CTNNA2: variants seen among roughly 807,000 people sequenced by gnomAD.
CTNNA2 encodes the protein catenin alpha 2.
CTNNA2 carries 42 observed loss-of-function variants against 101.0 expected under a neutral mutation model. The ratio of observed to expected loss-of-function variants is 0.42; its 90% CI spans 0.32 to 0.54. The LOEUF (loss-of-function observed/expected upper bound fraction) is 0.54, where lower values mean the gene tolerates loss of function less well. CTNNA2 is among the 20% of genes least tolerant of loss of function. The probability of loss-of-function intolerance (pLI) is 0.14; values close to 1 mark genes in which losing one functional copy is unlikely to be tolerated. For missense variants in CTNNA2, 871 were observed against 1,223.1 expected, an observed-to-expected ratio of 0.71 and a Z score of 4.29; for synonymous variants, 450 against 456.4, an observed-to-expected ratio of 0.99 and a Z score of 0.18.
chr2:79,946,222 A>G (rs1043488692), intron 7 of CTNNA2, among the ~76,000 whole-genome samples: 2 of 152,098 alleles, frequency 1.3e-5, no homozygotes, highest in African/African-American at 4.8e-5. Context: ...CAAAATGGGA[A>G]CTAGAGCCAT....
At chr2:80,486,566 C>T (rs963527270) in intron 9 of CTNNA2, among the ~76,000 whole-genome samples, 2 of 152,030 alleles carry the variant, frequency 1.3e-5, no homozygotes, top group African/African-American at 4.8e-5. Flanking sequence ...ATGTAACCAC[C>T]CTGAAGAATT....
intron 7 of CTNNA2, among the ~76,000 whole-genome samples, chr2:80,167,965 T>G (rs1704806984): frequency 6.6e-6 from 1 of 152,198 alleles, no homozygotes; most frequent in African/African-American, 2.4e-5. Context: ...AATCAGCGTG[T>G]ATTTGTGTGC....
intron 7 of CTNNA2, among the ~76,000 whole-genome samples, chr2:80,191,233 A>G (rs1706480693): frequency 6.6e-6 from 1 of 152,202 alleles, no homozygotes; most frequent in South Asian, 2.1e-4. Context: ...GAATAGTAGG[A>G]GATATGAAAC....
At chr2:79,328,305 T>C (rs1046857386) in intron 3 of CTNNA2, among the ~76,000 whole-genome samples, 5 of 152,158 alleles carry the variant, frequency 3.3e-5, no homozygotes, top group Admixed American at 2.0e-4. Context: ...AGAGAGCATC[T>C]GGGAAGACTG....
intron 2 of CTNNA2, among the ~76,000 whole-genome samples, chr2:79,670,835 G>T (rs540130381): frequency 1.3e-5 from 2 of 152,136 alleles, no homozygotes; most frequent in African/African-American, 4.8e-5. Flanking sequence ...GGTTTATTTC[G>T]ATTTCAAGAT....
chr2:80,367,363 C>T (rs1675037146), intron 7 of CTNNA2, among the ~76,000 whole-genome samples: 1 of 152,000 alleles, frequency 6.6e-6, no homozygotes, highest in Admixed American at 6.6e-5. Context: ...CTTAAGGCCT[C>T]TGAAGCTCCA....
intron 7 of CTNNA2, among the ~76,000 whole-genome samples, chr2:80,248,882 A>C (rs1025846219): frequency 6.6e-6 from 1 of 152,184 alleles, no homozygotes; most frequent in Non-Finnish European, 1.5e-5. Context: ...TGAACTTTGG[A>C]TCTTACTACC....
intron 2 of CTNNA2, among the ~76,000 whole-genome samples, chr2:79,734,269 G>C (rs1261180125): frequency 3.3e-5 from 5 of 152,094 alleles, no homozygotes; most frequent in African/African-American, 9.7e-5. Flanking sequence ...TTCAATGGCT[G>C]TAAGTGTAGA....
intron 2 of CTNNA2, among the ~76,000 whole-genome samples, chr2:79,694,979 G>T (rs538664937): frequency 1.4e-5 from 2 of 145,316 alleles, no homozygotes; most frequent in South Asian, 4.4e-4. Context: ...GCCTAAAGCG[G>T]CATCATTTAG....
chr2:80,057,377 A>G (rs1697289833), intron 7 of CTNNA2, among the ~76,000 whole-genome samples: 1 of 152,326 alleles, frequency 6.6e-6, no homozygotes, highest in East Asian at 1.9e-4. Flanking sequence ...TCTGAAATAC[A>G]CCATTCCGAT....
intron 7 of CTNNA2, among the ~76,000 whole-genome samples, chr2:79,937,063 CCTT>C (rs1687841310): frequency 6.6e-6 from 1 of 152,138 alleles, no homozygotes; most frequent in African/African-American, 2.4e-5. Flanking sequence ...CCTCTTCCTC[CCTT>C]CTTATTAAAT....
intron 12 of CTNNA2, 69 bp downstream of exon 12, chr2:80,555,962 G>A (rs1257339825): frequency 9.0e-7 from 1 of 1,115,096 alleles, no homozygotes; most frequent in Non-Finnish European, 1.2e-6. Context: ...GAATAAATCT[G>A]TTTCATTGAT....
chr2:79,687,482 T>G, intron 2 of CTNNA2: 1 of 565,954 alleles, frequency 1.8e-6, no homozygotes, highest in Non-Finnish European at 3.2e-6. Flanking sequence ...TTTGATTAGC[T>G]TTCATTTTTA....
At chr2:79,759,678 A>G (rs1672649375) in intron 3 of CTNNA2, among the ~76,000 whole-genome samples, 1 of 151,708 alleles carries the variant, frequency 6.6e-6, no homozygotes, top group Non-Finnish European at 1.5e-5. Flanking sequence ...CTGGTTCCAT[A>G]TCTTCTTGGA....
chr2:79,981,810 T>C (rs1429692091), intron 7 of CTNNA2, among the ~76,000 whole-genome samples: 1 of 152,154 alleles, frequency 6.6e-6, no homozygotes, highest in African/African-American at 2.4e-5. Flanking sequence ...CTAACTAATG[T>C]ATGTCCTTTC....
intron 3 of CTNNA2, among the ~76,000 whole-genome samples, chr2:79,759,532 A>T (rs1672637132): frequency 6.7e-6 from 1 of 149,290 alleles, no homozygotes; most frequent in Non-Finnish European, 1.5e-5. Flanking sequence ...TTAAACCTGG[A>T]TGTTTCTTTC....
chr2:80,394,233 T>C (rs1291021652), intron 8 of CTNNA2, among the ~76,000 whole-genome samples: 2 of 152,152 alleles, frequency 1.3e-5, no homozygotes, highest in African/African-American at 4.8e-5. Context: ...ACAAACAAAA[T>C]TAGCAAGAGG....
At chr2:80,084,665 A>T (rs1699337818) in intron 7 of CTNNA2, among the ~76,000 whole-genome samples, 1 of 152,068 alleles carries the variant, frequency 6.6e-6, no homozygotes. Context: ...GTATAAGACA[A>T]TCTTGCATGA....
At chr2:79,318,092 TATG>T (rs940870884) in intron 3 of CTNNA2, among the ~76,000 whole-genome samples, 8 of 152,212 alleles carry the variant, frequency 5.3e-5, no homozygotes, top group African/African-American at 1.9e-4. Flanking sequence ...AGATAATTAT[TATG>T]ATATGTTTTT....
Sources: gnomAD v4.1 joint callset for allele counts (sites outside exome capture counted in the v4.1 genomes callset) on GRCh38, gnomAD v4.1.1 for gene constraint, MANE v1.5 for transcripts, NCBI Gene and HGNC (gene_info 2026-07-23, HGNC 2026-07-21) for gene names.